PRPF3: variants seen among roughly 807,000 people sequenced by gnomAD.
PRPF3 encodes U4/U6 small nuclear ribonucleoprotein Prp3.
Under a neutral mutation model 89.2 loss-of-function variants are expected in PRPF3, and 3 were observed. The observed-to-expected ratio is 0.03, with a 90% CI of 0.02 to 0.09. The LOEUF is 0.09. Ranked by LOEUF, PRPF3 falls within the 10% of genes least tolerant of loss-of-function variation. The pLI, the probability that PRPF3 is intolerant of heterozygous loss-of-function variation, is 1.00. For missense variants in PRPF3, 463 were observed against 828.8 expected (o/e 0.56, Z 5.42); for synonymous variants, 270 against 289.1 (o/e 0.93, Z 0.67).
intron 8 of PRPF3, among the ~76,000 whole-genome samples, chr1:150,338,566 T>G (rs1776272): frequency 0.4 from 59,332 of 149,038 alleles, 12,302 homozygotes; most frequent in East Asian, 0.7. Flanking sequence ...AGTGGCACGA[T>G]CTCAGCTCAC....
rs782290768 is a variant in PRPF3 at position 150,333,138 on chromosome 1, C to T, written c.667C>T (p.Leu223Phe). 3 of 1,614,252 alleles carry T rather than the reference C, an allele frequency of 1.9e-6. No homozygotes were observed. The highest frequency in any genetic ancestry group is 2.5e-6 in the Non-Finnish European group (3 of 1,180,050). Reference sequence around the variant, plus strand: ...AGCCCAGCTGGCACTGAAGCCAGGACTCATCGGCAATGCCAACATGGTGGG... The same window carrying T: ...AGCCCAGCTGGCACTGAAGCCAGGATTCATCGGCAATGCCAACATGGTGGG... The part of the protein sequence containing the change: ...IQAQLALKPG[L>F]IGNANMVGLA... Residue 223 changes from leucine to phenylalanine, a missense_variant, in exon 6 of 16, where the codon CTC (leucine) becomes TTC (phenylalanine). Physicochemically the swap from Leu to Phe is conservative, Grantham distance 22 (BLOSUM62 0). Coordinates refer to ENST00000324862, the MANE Select transcript of PRPF3 (RefSeq NM_004698.4).
chr1:150,338,434 A>C, intron 8 of PRPF3, 108 bp downstream of exon 8: 1 of 1,094,114 alleles, frequency 9.1e-7, no homozygotes. Context: ...GAAGGATGGT[A>C]CTCATTCATT....
chr1:150,347,163 A>ATT (rs1218279924), intron 14 of PRPF3, among the ~76,000 whole-genome samples: 1 of 145,680 alleles, frequency 6.9e-6, no homozygotes, highest in Non-Finnish European at 1.5e-5. Flanking sequence ...TTATTATTTG[A>ATT]TTTTTTTTTT....
intron 1 of PRPF3, among the ~76,000 whole-genome samples, chr1:150,324,180 T>C (rs1412092917): frequency 1.3e-5 from 2 of 152,132 alleles, no homozygotes; most frequent in African/African-American, 4.8e-5. Flanking sequence ...GAATCCTACA[T>C]AAGTCAGGGT....
At chr1:150,334,077 G>A (rs1553866534) in intron 6 of PRPF3, among the ~76,000 whole-genome samples, 1 of 152,106 alleles carries the variant, frequency 6.6e-6, no homozygotes, top group African/African-American at 2.4e-5. Flanking sequence ...GGCCGAGACT[G>A]GCAGATTGCT....
intron 12 of PRPF3, among the ~76,000 whole-genome samples, chr1:150,344,853 A>C (rs1232892286): frequency 6.6e-6 from 1 of 151,756 alleles, no homozygotes; most frequent in African/African-American, 2.4e-5. Context: ...TCCTTTGAGA[A>C]CTATAAAATA....
intron 8 of PRPF3, 23 bp downstream of exon 8, chr1:150,338,349 T>G: frequency 1.3e-5 from 21 of 1,610,502 alleles, no homozygotes; most frequent in Non-Finnish European, 1.6e-5. Context: ...TAGTACCTTT[T>G]TAAAAAAACA....
chr1:150,341,105 C>CAAAAAAAAA (rs71086503), intron 9 of PRPF3, among the ~76,000 whole-genome samples: 3 of 86,732 alleles, frequency 3.5e-5, no homozygotes, highest in East Asian at 4.0e-4. Flanking sequence ...GACCTTGTCT[C>CAAAAAAAAA]AAAAAAAAAA....
In PRPF3 at chr1:150,338,260, T is replaced by G; in HGVS notation, c.1136T>G (p.Leu379Arg). Residue 379 changes from leucine (L) to arginine (R), a missense_variant, in exon 8 of 16, where the codon CTA (leucine) becomes CGA (arginine). Physicochemically the swap from Leu to Arg is moderately radical, Grantham distance 102. Coordinates refer to ENST00000324862, the MANE Select transcript of PRPF3 (RefSeq NM_004698.4). ...RLALIAPKKE[L>R]KEGDIPEIEW... The stretch of plus-strand genomic sequence containing the variant: ...GCCCTCATTGCTCCTAAGAAGGAGC[T>G]AAAGGAAGGAGATATTCCTGAAATT... The G allele has an allele frequency of 6.2e-7, 1 of 1,613,920 alleles. No individual in the cohort carries two copies. Among genetic ancestry groups the G allele is most frequent in the South Asian group, 1.1e-5 (1 of 91,074 alleles).
At chr1:150,344,664 T>A in intron 12 of PRPF3, 117 bp downstream of exon 12, 1 of 1,095,356 alleles carries the variant, frequency 9.1e-7, no homozygotes, top group Non-Finnish European at 1.4e-6. Context: ...TACTCTCTTT[T>A]AATGACCCTA....
chr1:150,327,570 C>T (rs1421311822), intron 3 of PRPF3: 19 of 985,598 alleles, frequency 1.9e-5, no homozygotes, highest in East Asian at 1.1e-4. Context: ...TTCCAGGAAG[C>T]GCTCGCCCCT....
intron 8 of PRPF3, among the ~76,000 whole-genome samples, chr1:150,339,932 A>C (rs1657513992): frequency 6.6e-6 from 1 of 151,258 alleles, no homozygotes; most frequent in South Asian, 2.1e-4. Flanking sequence ...TATTTGGCCA[A>C]ACTGGTCTCA....
intron 10 of PRPF3, 45 bp from the exon 11 acceptor site, chr1:150,344,117 G>A: frequency 1.3e-6 from 2 of 1,518,894 alleles, no homozygotes; most frequent in Middle Eastern, 4.5e-4. Context: ...ACTCCAGCTG[G>A]AGAAGTGACT....
intron 7 of PRPF3, among the ~76,000 whole-genome samples, chr1:150,336,025 C>A (rs1355207358): frequency 1.3e-5 from 2 of 152,156 alleles, no homozygotes; most frequent in African/African-American, 2.4e-5. Context: ...GCCTTGACCT[C>A]CCAAAGTGCT....
chr1:150,349,291 A>G (rs1658649137), intron 15 of PRPF3, 73 bp downstream of exon 15: 6 of 1,083,034 alleles, frequency 5.5e-6, no homozygotes, highest in Admixed American at 5.1e-5. Flanking sequence ...GAGTGGAGCA[A>G]TGGAATGTAA....
At chr1:150,349,305 G>A in intron 15 of PRPF3, 87 bp downstream of exon 15, 6 of 977,148 alleles carry the variant, frequency 6.1e-6, no homozygotes, top group Non-Finnish European at 1.0e-5. Flanking sequence ...AATGTAAGAT[G>A]TAATCAGTGA....
intron 8 of PRPF3, among the ~76,000 whole-genome samples, chr1:150,339,328 A>G (rs782326343): frequency 6.6e-6 from 1 of 151,394 alleles, no homozygotes; most frequent in African/African-American, 2.4e-5. Context: ...GTCAGCTATG[A>G]TCATGACCAC....
intron 1 of PRPF3, among the ~76,000 whole-genome samples, chr1:150,322,373 G>A (rs1187709775): frequency 6.6e-6 from 1 of 152,214 alleles, no homozygotes; most frequent in Non-Finnish European, 1.5e-5. Context: ...TTGTAAGATG[G>A]TAAACTGTGG....
At chr1:150,336,139 G>C (rs1371856750) in intron 7 of PRPF3, among the ~76,000 whole-genome samples, 2 of 152,110 alleles carry the variant, frequency 1.3e-5, no homozygotes, top group Non-Finnish European at 2.9e-5. Flanking sequence ...AAATCACTGG[G>C]AGCCTTGAGC....
Sources: allele counts gnomAD v4.1 joint callset (sites outside exome capture counted in the v4.1 genomes callset), GRCh38; gene constraint gnomAD v4.1.1; transcripts MANE v1.5; gene names NCBI Gene and HGNC (gene_info 2026-07-23, HGNC 2026-07-21).